HDDC2: variants seen among roughly 807,000 people sequenced by gnomAD.
HDDC2 encodes 5'-deoxynucleotidase HDDC2.
Under a neutral mutation model 25.5 loss-of-function variants are expected in HDDC2, and 25 were observed. The observed-to-expected ratio is 0.98, with a 90% CI of 0.72 to 1.37. HDDC2 has a LOEUF of 1.37. Among genes scored for constraint, HDDC2 ranks in the 40% most tolerant of loss-of-function variants. HDDC2 has a pLI of 0.00. For missense variants in HDDC2, 264 were observed against 253.1 expected (o/e 1.04, Z -0.29); for synonymous variants, 106 against 89.7 (o/e 1.18, Z -1.03).
chr6:125,288,214 AG>A (rs1321228111), intron 4 of HDDC2, among the ~76,000 whole-genome samples: 1 of 152,154 alleles, frequency 6.6e-6, no homozygotes, highest in Non-Finnish European at 1.5e-5. Context: ...AAATCAGGGG[AG>A]AAGTGACAAG....
In HDDC2 at chr6:125,285,471, T is replaced by C. The variant is rs181603316; in HGVS notation, c.378+7370A>G. ...ATGATAAATAATGCCTTAAGAGAAA[T>C]AGAAATGGAAAGTTTAAAAGTTGAG... is the stretch of plus-strand genomic sequence containing the variant. On this transcript the variant is annotated intron_variant, in intron 4 of 5. Transcript: ENST00000398153. Among the ~76,000 whole-genome samples the C allele has an allele frequency of 6.7e-3, 1,017 of 151,214 alleles. 10 individuals are homozygous for C. The highest frequency in any genetic ancestry group is 0.019 in the South Asian group (89 of 4,776).
At chr6:125,297,372 C>T in intron 3 of HDDC2, 1 of 390,242 alleles carries the variant, frequency 2.6e-6, no homozygotes, top group South Asian at 1.4e-4. Context: ...TATCTTGGAC[C>T]TAAACTTTGG....
chr6:125,298,680 G>A (rs1312625802), intron 3 of HDDC2, 34 bp downstream of exon 3: 1 of 1,522,902 alleles, frequency 6.6e-7, no homozygotes, highest in Admixed American at 1.7e-5. Context: ...GGTTTTTCTG[G>A]TGGTTTTTTG....
intron 1 of HDDC2, 66 bp downstream of exon 1, chr6:125,301,783 C>T (rs1353899658): frequency 7.2e-5 from 88 of 1,227,888 alleles, no homozygotes; most frequent in Non-Finnish European, 9.5e-5. Context: ...GCGGGGAGGC[C>T]GGAAGCTCCG....
rs1798786299 is a variant in HDDC2 at position 125,300,713 on chromosome 6, G to A, written c.85-54C>T. The A allele has an allele frequency of 1.9e-6, 3 of 1,549,308 alleles. No individual in the cohort carries two copies. The East Asian group carries it at 6.7e-5, about 35-fold the overall frequency. On this transcript the variant is annotated intron_variant, in intron 1 of 5. Transcript: ENST00000398153. ...TTTAAAGAACAAATATTAACTATCTGCTATGCTCTTCAAGAGATGTCCAGG... is the reference window on the plus strand; with the variant it reads ...TTTAAAGAACAAATATTAACTATCTACTATGCTCTTCAAGAGATGTCCAGG...
intron 1 of HDDC2, 23 bp downstream of exon 1, chr6:125,301,826 C>T: frequency 6.5e-7 from 1 of 1,530,382 alleles, no homozygotes. Flanking sequence ...CGGCCGCGGC[C>T]TCCCGGCCTG....
At chr6:125,286,379 T>C (rs959368303) in intron 4 of HDDC2, among the ~76,000 whole-genome samples, 7 of 152,230 alleles carry the variant, frequency 4.6e-5, no homozygotes, top group South Asian at 2.1e-4. Context: ...ATTTTTAAAA[T>C]TGTTTTCAGT....
At chr6:125,296,559 C>A (rs749666896) in intron 3 of HDDC2, among the ~76,000 whole-genome samples, 8 of 152,184 alleles carry the variant, frequency 5.3e-5, no homozygotes, top group Admixed American at 2.0e-4. Flanking sequence ...TCTCTCTTCC[C>A]AAATCCTGAC....
Position 125,300,577 on chromosome 6 carries a change from A to AT in HDDC2, c.166dup (p.Met56AsnfsTer8). On this transcript the variant is annotated frameshift_variant, in exon 2 of 6. Transcript: ENST00000398153. LOFTEE classifies it high-confidence loss of function. The stretch of plus-strand genomic sequence containing the variant: ...ACGGTCATCTTTGATCACCATAGCC[A>AT]TAACTGCCATCCGGTACATGTGATC... 6.2e-7 allele frequency: 1 copy of AT among 1,614,222 alleles called. No homozygotes were observed. Among genetic ancestry groups the AT allele is most frequent in the Non-Finnish European group, 8.5e-7 (1 of 1,180,030 alleles).
intron 4 of HDDC2, among the ~76,000 whole-genome samples, chr6:125,280,412 G>T (rs867039421): frequency 1.3e-5 from 2 of 152,160 alleles, no homozygotes. Flanking sequence ...CTAGAAAGGG[G>T]GCTGAAGCCA....
In HDDC2 at chr6:125,277,169, T is replaced by C. The variant is rs546384719; in HGVS notation, c.450A>G (p.Gln150=). 11 of 1,614,082 alleles carry C rather than the reference T, an allele frequency of 6.8e-6. No individual in the cohort carries two copies. Among genetic ancestry groups the C allele is most frequent in the Admixed American group, 3.3e-5 (2 of 60,026 alleles). ...GTTCAAGGTCTTCATATTCAGATGC[T>C]TGAAGAATCATTTCACATTGGTCTA... ...KQLDQCEMIL[Q]ASEYEDLEHK... Residue 150 remains glutamine (Q), a synonymous_variant, in exon 5 of 6, where the codon CAA becomes CAG. Transcript: ENST00000398153.
intron 3 of HDDC2, chr6:125,297,412 C>A (rs3799716): frequency 0.18 from 68,838 of 393,020 alleles, 6,715 homozygotes; most frequent in African/African-American, 0.3. Flanking sequence ...ATACTATTCC[C>A]CTTGTGCCTA....
intron 4 of HDDC2, among the ~76,000 whole-genome samples, chr6:125,289,897 C>T (rs1464591175): frequency 6.6e-6 from 1 of 152,150 alleles, no homozygotes; most frequent in Non-Finnish European, 1.5e-5. Context: ...AGGCAAAATG[C>T]AGGTGGTGGA....
intron 5 of HDDC2, chr6:125,276,612 T>C (rs1798373483): frequency 3.7e-6 from 1 of 269,510 alleles, no homozygotes; most frequent in Non-Finnish European, 7.0e-6. Flanking sequence ...TGCAATTAAG[T>C]AAGGAGAATG....
chr6:125,293,581 A>G (rs1472700404), intron 3 of HDDC2, among the ~76,000 whole-genome samples: 3 of 152,174 alleles, frequency 2.0e-5, no homozygotes. Flanking sequence ...AAATGTGTGC[A>G]TTGGTAGGGA....
rs750123543 is a variant in HDDC2, at chr6:125,300,553, C to T, written c.191G>A (p.Arg64His). The T allele has an allele frequency of 1.4e-5, 23 of 1,613,774 alleles. No individual in the cohort carries two copies. The highest frequency in any genetic ancestry group is 1.5e-5 in the Non-Finnish European group (18 of 1,179,924). The change falls in exon 2 of 6, where the codon CGT (arginine) becomes CAT (histidine). Residue 64 changes from arginine (R) to histidine (H), a missense_variant. Coordinates refer to ENST00000398153, the MANE Select transcript of HDDC2 (RefSeq NM_016063.3). Reference protein sequence around the residue: ...AVMAMVIKDDRLNKDRCVRLA... With the variant: ...AVMAMVIKDDHLNKDRCVRLA... Reference sequence around the variant, plus strand: ...CTCAGCTTACCGGTCTTTGTTAAGACGGTCATCTTTGATCACCATAGCCAT... The same window carrying T: ...CTCAGCTTACCGGTCTTTGTTAAGATGGTCATCTTTGATCACCATAGCCAT...
chr6:125,293,002 A>T, intron 3 of HDDC2, 93 bp from the exon 4 acceptor site: 1 of 962,400 alleles, frequency 1.0e-6, no homozygotes, highest in Non-Finnish European at 1.7e-6. Flanking sequence ...ATTCTTACAA[A>T]CAACTCTCAC....
At chr6:125,295,010 A>G (rs1000177464) in intron 3 of HDDC2, among the ~76,000 whole-genome samples, 1 of 152,272 alleles carries the variant, frequency 6.6e-6, no homozygotes, top group Non-Finnish European at 1.5e-5. Context: ...TCAGAATAGC[A>G]TTTTTGAAAC....
chr6:125,291,619 G>A (rs967687678), intron 4 of HDDC2, among the ~76,000 whole-genome samples: 2 of 152,114 alleles, frequency 1.3e-5, no homozygotes, highest in African/African-American at 4.8e-5. Flanking sequence ...GTCCTCTGAG[G>A]TTTCTGAATT....
Sources: gnomAD v4.1 joint callset for allele counts (sites outside exome capture counted in the v4.1 genomes callset) on GRCh38, gnomAD v4.1.1 for gene constraint, MANE v1.5 for transcripts, NCBI Gene and HGNC (gene_info 2026-07-23, HGNC 2026-07-21) for gene names.